Variants in LVRN observed in about 807,000 individuals in gnomAD.
LVRN encodes the protein laeverin.
Under a neutral mutation model 111.4 loss-of-function variants are expected in LVRN, and 99 were observed. The observed-to-expected ratio is 0.89, with a 90% CI of 0.76 to 1.05. The LOEUF (loss-of-function observed/expected upper bound fraction) is 1.05, where lower values mean the gene tolerates loss of function less well. Ranked by LOEUF, LVRN falls within the 50% of genes least tolerant of loss-of-function variation. LVRN has a pLI of 0.00. For missense variants in LVRN, 1,414 were observed against 1,206.8 expected, an observed-to-expected ratio of 1.17 and a Z score of -2.54; for synonymous variants, 488 against 449.5, an observed-to-expected ratio of 1.09 and a Z score of -1.08.
chr5:115,996,356 T>C (rs1387827355), intron 6 of LVRN, among the ~76,000 whole-genome samples: 2 of 152,206 alleles, frequency 1.3e-5, no homozygotes, highest in Non-Finnish European at 2.9e-5. Flanking sequence ...TCTCTTTTTG[T>C]ACCTTTTAAT....
rs370871146 is a variant in LVRN, at chr5:116,001,138, G to T, written c.1719G>T (p.Gln573His). Residue 573 changes from glutamine (Q) to histidine (H), a missense_variant, in exon 10 of 20, where the codon CAG becomes CAT. Gln to His is a conservative substitution (Grantham distance 24). Coordinates refer to ENST00000357872, the MANE Select transcript of LVRN (RefSeq NM_173800.5). ...ACATAATGGACAGTTGGACACACCA[G>T]AGTGGTTTTCCAGTGATCACTTTAA... ...IKNIMDSWTHQSGFPVITLNV... is the reference protein window; with the variant it reads ...IKNIMDSWTHHSGFPVITLNV... 1.2e-6 allele frequency: 2 copies of T among 1,614,002 alleles called. No individual in the cohort carries two copies. Among genetic ancestry groups the T allele is most frequent in the East Asian group, 2.2e-5 (1 of 44,880 alleles).
intron 3 of LVRN, among the ~76,000 whole-genome samples, chr5:115,986,663 C>G (rs932622146): frequency 6.6e-6 from 1 of 152,252 alleles, no homozygotes; most frequent in Admixed American, 6.5e-5. Context: ...AGCCCATTTA[C>G]AAATTTCTCA....
intron 6 of LVRN, among the ~76,000 whole-genome samples, chr5:115,997,105 T>C (rs920167380): frequency 1.3e-5 from 2 of 152,198 alleles, no homozygotes; most frequent in African/African-American, 4.8e-5. Context: ...CATGTCCTAT[T>C]TGCTATCCGT....
rs199822194 is a variant in LVRN, at chr5:116,010,806, T to C, written c.2159T>C (p.Ile720Thr). ...LTKYLAEEDE[I>T]IVWHTVLVNL... is the part of the protein sequence containing the mutation. Reference sequence around the variant, plus strand: ...AAGTACCTTGCTGAAGAAGATGAAATTATAGTATGGCATACAGTCTTGGTA... The same window carrying C: ...AAGTACCTTGCTGAAGAAGATGAAACTATAGTATGGCATACAGTCTTGGTA... Residue 720 changes from isoleucine (I) to threonine (T), a missense_variant, in exon 14 of 20, where the codon ATT becomes ACT. Ile to Thr is a moderately conservative substitution (Grantham distance 89). Coordinates refer to ENST00000357872, the MANE Select transcript of LVRN (RefSeq NM_173800.5). The C allele has an allele frequency of 4.3e-6, 7 of 1,611,860 alleles. No homozygotes were observed. Among genetic ancestry groups the C allele is most frequent in the Non-Finnish European group, 5.9e-6 (7 of 1,179,082 alleles).
At chr5:115,971,190 T>C (rs748272361) in intron 1 of LVRN, among the ~76,000 whole-genome samples, 1 of 152,240 alleles carries the variant, frequency 6.6e-6, no homozygotes, top group Non-Finnish European at 1.5e-5. Flanking sequence ...TCAGTCCATT[T>C]TTCTCTTGGG....
chr5:115,992,632 G>T (rs956463337), intron 5 of LVRN, among the ~76,000 whole-genome samples: 13 of 152,170 alleles, frequency 8.5e-5, no homozygotes, highest in African/African-American at 3.1e-4. Flanking sequence ...ATCACTGAAA[G>T]ATACCCACAT....
At chr5:115,973,455 T>C (rs1299203918) in intron 1 of LVRN, among the ~76,000 whole-genome samples, 1 of 152,224 alleles carries the variant, frequency 6.6e-6, no homozygotes, top group Admixed American at 6.5e-5. Context: ...TCCTTGATTT[T>C]CAGAAAAATT....
chr5:116,006,455 C>T (rs1171058457), intron 13 of LVRN, among the ~76,000 whole-genome samples: 1 of 151,790 alleles, frequency 6.6e-6, no homozygotes, highest in East Asian at 1.9e-4. Context: ...CTCCTTTTTC[C>T]CTCTGTGACT....
chr5:116,011,740 C>T (rs774081508), intron 14 of LVRN, among the ~76,000 whole-genome samples: 25 of 152,004 alleles, frequency 1.6e-4, no homozygotes, highest in Non-Finnish European at 3.4e-4. Flanking sequence ...TGAGGAGGCT[C>T]GTTGATAACA....
At position 116,026,443 on chromosome 5, in the gene LVRN, A is replaced by T. The variant is rs1748869007; in HGVS notation, c.*325A>T. 1 of 345,004 alleles carries T rather than the reference A, an allele frequency of 2.9e-6. No homozygotes were observed. The highest frequency in any genetic ancestry group is 2.1e-5 in the African/African-American group (1 of 46,542). The allele number at this position is 345,004 out of a possible 1,614,324, so 21.4% of individuals were successfully genotyped here. On this transcript the variant is annotated 3_prime_UTR_variant, in exon 20 of 20. Coordinates refer to ENST00000357872, the MANE Select transcript of LVRN (RefSeq NM_173800.5). ...TTATTTTGTTGCGAAGGCCAGTGGAATATAAAAATCAATGGCATTAATGAG... is the reference window on the plus strand; with the variant it reads ...TTATTTTGTTGCGAAGGCCAGTGGATTATAAAAATCAATGGCATTAATGAG...
At chr5:115,986,346 G>T (rs183584234) in intron 3 of LVRN, among the ~76,000 whole-genome samples, 1 of 152,334 alleles carries the variant, frequency 6.6e-6, no homozygotes, top group Non-Finnish European at 1.5e-5. Context: ...GACCAAAGGT[G>T]ATTCCTTGGC....
At chr5:116,019,582 T>A (rs1310708376) in intron 18 of LVRN, among the ~76,000 whole-genome samples, 1 of 152,266 alleles carries the variant, frequency 6.6e-6, no homozygotes, top group African/African-American at 2.4e-5. Flanking sequence ...TATGAAAATG[T>A]TTGAATAATC....
At chr5:116,006,065 C>G (rs908241663) in intron 13 of LVRN, 98 bp downstream of exon 13, 9 of 888,794 alleles carry the variant, frequency 1.0e-5, no homozygotes, top group South Asian at 8.4e-5. Flanking sequence ...TTAGTCTATA[C>G]AGGCCATAAC....
chr5:115,976,997 A>G (rs756991141), intron 1 of LVRN, among the ~76,000 whole-genome samples: 6 of 152,104 alleles, frequency 3.9e-5, no homozygotes, highest in Non-Finnish European at 8.8e-5. Flanking sequence ...TGAATAATCT[A>G]TATATTCTGA....
At chr5:116,003,425 C>G (rs1333059045) in intron 12 of LVRN, 45 bp downstream of exon 12, 1 of 1,216,520 alleles carries the variant, frequency 8.2e-7, no homozygotes, top group South Asian at 1.8e-5. Flanking sequence ...ATTTATAATG[C>G]CTTCTCTAGT....
intron 5 of LVRN, among the ~76,000 whole-genome samples, chr5:115,993,255 G>T: frequency 6.7e-6 from 1 of 149,616 alleles, no homozygotes; most frequent in Non-Finnish European, 1.5e-5. Flanking sequence ...GAGCCATATT[G>T]CATAACGTAT....
At position 115,963,291 on chromosome 5, in the gene LVRN, A is replaced by G. The variant is rs371513965; in HGVS notation, c.674A>G (p.Tyr225Cys). The G allele has an allele frequency of 8.1e-6, 13 of 1,610,482 alleles. No homozygotes were observed. Among genetic ancestry groups the G allele is most frequent in the African/African-American group, 1.3e-5 (1 of 74,838 alleles). The stretch of plus-strand genomic sequence containing the variant: ...AGGGAGGGACTCTTCCTCAACGTCT[A>G]CACCGACCAGGGCGAGCGCAGGTAA... ...DLREGLFLNV[Y>C]TDQGERRALL... is the part of the protein sequence containing the mutation. The change falls in exon 1 of 20, where the codon TAC (tyrosine) becomes TGC (cysteine). Residue 225 changes from tyrosine (Y) to cysteine (C), a missense_variant. Transcript: ENST00000357872.
At chr5:116,009,766 G>A (rs1024888281) in intron 13 of LVRN, among the ~76,000 whole-genome samples, 1 of 152,204 alleles carries the variant, frequency 6.6e-6, no homozygotes, top group Non-Finnish European at 1.5e-5. Context: ...TAGAATGGAT[G>A]AGAAGTTGCT....
At chr5:115,985,463 G>A (rs1318777793) in intron 3 of LVRN, among the ~76,000 whole-genome samples, 1 of 152,156 alleles carries the variant, frequency 6.6e-6, no homozygotes, top group Non-Finnish European at 1.5e-5. Flanking sequence ...CCACATCACA[G>A]CCTATGATTT....
Sources: allele counts gnomAD v4.1 joint callset (sites outside exome capture counted in the v4.1 genomes callset), GRCh38; gene constraint gnomAD v4.1.1; transcripts MANE v1.5; gene names NCBI Gene and HGNC (gene_info 2026-07-23, HGNC 2026-07-21).